PRDM16: variants seen among roughly 807,000 people sequenced by gnomAD.
PRDM16 encodes histone-lysine N-methyltransferase PRDM16.
Under a neutral mutation model 110.6 loss-of-function variants are expected in PRDM16, and 23 were observed. That is an observed-to-expected ratio of 0.21 (90% CI 0.15 to 0.29). The LOEUF (loss-of-function observed/expected upper bound fraction) is 0.29. Ranked by LOEUF, PRDM16 falls within the 10% of genes least tolerant of loss-of-function variation. The pLI is 1.00. For missense variants in PRDM16, 1,615 were observed against 1,794.3 expected, an observed-to-expected ratio of 0.90 and a Z score of 1.81; for synonymous variants, 799 against 781.8, an observed-to-expected ratio of 1.02 and a Z score of -0.37.
rs191907736 is a variant in PRDM16, at chr1:3,072,347, G to A, written c.37+3051G>A. ...TGTGCAGGAGGAGGATGTGCCAGTC[G>A]GCACCCCCATCAGAGCTGCTCCTTG... On this transcript the variant is annotated intron_variant, in intron 1 of 16. Coordinates refer to ENST00000270722, the MANE Select transcript of PRDM16 (RefSeq NM_022114.4). Among the ~76,000 whole-genome samples the A allele has an allele frequency of 1.3e-3, 192 of 149,184 alleles. 1 individual carries two copies. Among genetic ancestry groups the A allele is most frequent in the African/African-American group, 4.7e-3 (181 of 38,772 alleles).
At chr1:3,179,626 C>T (rs1388369304) in intron 1 of PRDM16, among the ~76,000 whole-genome samples, 1 of 152,234 alleles carries the variant, frequency 6.6e-6, no homozygotes, top group African/African-American at 2.4e-5. Context: ...GAGTGCCCAC[C>T]CGGCTGCCAA....
intron 3 of PRDM16, among the ~76,000 whole-genome samples, chr1:3,260,499 A>G (rs1265385896): frequency 6.6e-6 from 1 of 151,988 alleles, no homozygotes; most frequent in Admixed American, 6.5e-5. Flanking sequence ...GGTGGTGACT[A>G]TACAAGTTGT....
chr1:3,287,242 AGG>A (rs1343498433), intron 3 of PRDM16, among the ~76,000 whole-genome samples: 105 of 151,754 alleles, frequency 6.9e-4, no homozygotes, highest in African/African-American at 2.4e-3. Context: ...GCGGGCATCC[AGG>A]ATTGCATTTA....
chr1:3,337,472 C>T (rs1410184389), intron 3 of PRDM16, among the ~76,000 whole-genome samples: 1 of 152,170 alleles, frequency 6.6e-6, no homozygotes, highest in Non-Finnish European at 1.5e-5. Context: ...ATTTCTAAAG[C>T]TGGGATCTTG....
At chr1:3,251,255 G>C (rs2100218723) in intron 3 of PRDM16, among the ~76,000 whole-genome samples, 1 of 152,212 alleles carries the variant, frequency 6.6e-6, no homozygotes, top group African/African-American at 2.4e-5. Context: ...TGGCCGTTTG[G>C]TTTCCTCTTT....
chr1:3,393,307 C>A (rs1261417632), intron 4 of PRDM16, among the ~76,000 whole-genome samples: 1 of 152,246 alleles, frequency 6.6e-6, no homozygotes, highest in Non-Finnish European at 1.5e-5. Flanking sequence ...TTCCGGCGGC[C>A]AGTCGTCCTC....
chr1:3,406,939 G>A (rs770885260), intron 8 of PRDM16, among the ~76,000 whole-genome samples: 17 of 152,258 alleles, frequency 1.1e-4, no homozygotes, highest in Middle Eastern at 6.8e-3. Flanking sequence ...CCTGAGAGTG[G>A]GGCCCTTCTG....
At chr1:3,181,100 A>ATG (rs1644157332) in intron 1 of PRDM16, among the ~76,000 whole-genome samples, 1 of 17,864 alleles carries the variant, frequency 5.6e-5, no homozygotes, top group African/African-American at 8.6e-5. Context: ...TTACACACGC[A>ATG]GTCTTACACG....
chr1:3,308,028 C>T (rs967468640), intron 3 of PRDM16: 1 of 152,160 alleles, frequency 6.6e-6, no homozygotes, highest in Non-Finnish European at 1.5e-5. Flanking sequence ...CCACGGTAGA[C>T]ACCTTATAAA....
chr1:3,411,676 G>A lies in PRDM16; in HGVS notation c.1479G>A (p.Pro493=), dbSNP rs766499922. Residue 493 remains proline (P), a synonymous_variant, in exon 9 of 17, where the codon CCG becomes CCA. Coordinates refer to ENST00000270722, the MANE Select transcript of PRDM16 (RefSeq NM_022114.4). ...LGFNEYFPSR[P]HPGSLPFSTA... ...TCAACGAGTACTTTCCCTCCAGGCC[G>A]CACCCGGGGAGCCTGCCCTTCTCCA... 7.4e-6 allele frequency: 12 copies of A among 1,610,886 alleles called. No homozygotes were observed. Among genetic ancestry groups the A allele is most frequent in the South Asian group, 4.4e-5 (4 of 90,802 alleles).
At chr1:3,225,526 T>A (rs1639265363) in intron 2 of PRDM16, among the ~76,000 whole-genome samples, 1 of 132,466 alleles carries the variant, frequency 7.5e-6, no homozygotes, top group Non-Finnish European at 1.6e-5. Flanking sequence ...GATGTGCAGC[T>A]TGCCTGTGTG....
rs1638942978 is a variant in PRDM16 at position 3,437,520 on chromosome 1, G to A, written c.*3709G>A. ...CTCGCCCCTGCACTGCAGCCTTGTGGGGGAGGGCAAGGCTCTCCTCCCAGC... is the reference window on the plus strand; with the variant it reads ...CTCGCCCCTGCACTGCAGCCTTGTGAGGGAGGGCAAGGCTCTCCTCCCAGC... On this transcript the variant is annotated 3_prime_UTR_variant, in exon 17 of 17. Coordinates refer to ENST00000270722, the MANE Select transcript of PRDM16 (RefSeq NM_022114.4). 4.4e-6 allele frequency: 1 copy of A among 229,208 alleles called. No individual in the cohort carries two copies. Among genetic ancestry groups the A allele is most frequent in the Admixed American group, 5.7e-5 (1 of 17,660 alleles). The allele number at this position is 229,208 out of a possible 1,614,324, so 14.2% of individuals were successfully genotyped here. A position where few individuals can be genotyped will look rare whatever the true frequency, so the allele number is the denominator to read the frequency against.
At chr1:3,351,087 G>A (rs1043930583) in intron 3 of PRDM16, among the ~76,000 whole-genome samples, 9 of 152,202 alleles carry the variant, frequency 5.9e-5, no homozygotes, top group Non-Finnish European at 1.0e-4. Context: ...GGGAATGGCC[G>A]CTGGCTCGCT....
intron 3 of PRDM16, among the ~76,000 whole-genome samples, chr1:3,356,884 C>T (rs1342836247): frequency 6.6e-6 from 1 of 152,186 alleles, no homozygotes; most frequent in Non-Finnish European, 1.5e-5. Context: ...TGCCGGCTGG[C>T]TACCCCGGAT....
At chr1:3,138,458 C>T (rs533779814) in intron 1 of PRDM16, among the ~76,000 whole-genome samples, 1 of 152,298 alleles carries the variant, frequency 6.6e-6, no homozygotes, top group South Asian at 2.1e-4. Flanking sequence ...TTGGGGTCTC[C>T]GTCCAGTCTC....
chr1:3,105,009 G>A (rs549705002), intron 1 of PRDM16, among the ~76,000 whole-genome samples: 29 of 151,986 alleles, frequency 1.9e-4, no homozygotes, highest in Non-Finnish European at 2.8e-4. Context: ...GGTGTCATGG[G>A]AGGATCTGCT....
intron 3 of PRDM16, among the ~76,000 whole-genome samples, chr1:3,323,347 C>T (rs1319406739): frequency 6.6e-6 from 1 of 152,252 alleles, no homozygotes; most frequent in African/African-American, 2.4e-5. Flanking sequence ...ACTCAGCCTG[C>T]ACCACGTGGG....
chr1:3,400,380 A>G (rs1643447505), intron 5 of PRDM16, among the ~76,000 whole-genome samples: 1 of 151,864 alleles, frequency 6.6e-6, no homozygotes, highest in South Asian at 2.1e-4. Context: ...CACCCACATC[A>G]TTTGCACAGT....
At position 3,279,841 on chromosome 1, in the gene PRDM16, G is replaced by A. The variant is rs149219281; in HGVS notation, c.438+35704G>A. Among the ~76,000 whole-genome samples the A allele has an allele frequency of 1.8e-3, 280 of 151,872 alleles. 1 individual carries two copies. The highest frequency in any genetic ancestry group is 6.4e-3 in the African/African-American group (265 of 41,372). On this transcript the variant is annotated intron_variant, in intron 3 of 16. Transcript: ENST00000270722. ...GCCTCCTGGGCCAGCATATCCCTGA[G>A]CCAGTGTGGAGTGGACAGGCGGCCC...
Sources: allele counts gnomAD v4.1 joint callset (sites outside exome capture counted in the v4.1 genomes callset), GRCh38; gene constraint gnomAD v4.1.1; transcripts MANE v1.5; gene names NCBI Gene and HGNC (gene_info 2026-07-23, HGNC 2026-07-21).